DNAJC1: variants seen among roughly 807,000 people sequenced by gnomAD.
DNAJC1 encodes the protein dnaJ homolog subfamily C member 1.
In DNAJC1, 58 loss-of-function variants were observed where a neutral mutation model predicts 76.6. The observed-to-expected ratio is 0.76, with a 90% CI of 0.61 to 0.94. The LOEUF is 0.94. Among genes scored for constraint, DNAJC1 ranks in the 40% least tolerant of loss-of-function variants. DNAJC1 has a pLI of 0.00. For synonymous variants in DNAJC1, 258 were observed against 267.9 expected, an observed-to-expected ratio of 0.96 and a Z score of 0.36; for missense variants, 689 against 677.3, an observed-to-expected ratio of 1.02 and a Z score of -0.19.
At position 21,816,223 on chromosome 10, in the gene DNAJC1, G is replaced by C. The variant is rs564053216; in HGVS notation, c.979-10124C>G. 2.2e-3 allele frequency among the ~76,000 whole-genome samples: 339 copies of C among 150,832 alleles called. 3 individuals carry two copies. Among genetic ancestry groups the C allele is most frequent in the African/African-American group, 7.9e-3 (325 of 41,188 alleles). ...TCTCTACTAAAAACACAAAAATTAG[G>C]CAGACGTGAGCCTGTAATCCCAGCT... On this transcript the variant is annotated intron_variant, in intron 8 of 11. Coordinates refer to ENST00000376980, the MANE Select transcript of DNAJC1 (RefSeq NM_022365.4).
chr10:21,773,015 C>T (rs144139160), intron 9 of DNAJC1, among the ~76,000 whole-genome samples: 19 of 152,186 alleles, frequency 1.2e-4, no homozygotes, highest in African/African-American at 3.6e-4. Flanking sequence ...ACCTCTGTCC[C>T]GAGAACAGCA....
intron 8 of DNAJC1, among the ~76,000 whole-genome samples, chr10:21,832,438 T>C (rs1260997221): frequency 1.3e-5 from 2 of 152,242 alleles, no homozygotes; most frequent in East Asian, 3.8e-4. Flanking sequence ...TATGTCCCAT[T>C]TGCATCATAA....
At chr10:21,862,660 C>A (rs1190336399) in intron 8 of DNAJC1, among the ~76,000 whole-genome samples, 1 of 151,962 alleles carries the variant, frequency 6.6e-6, no homozygotes, top group African/African-American at 2.4e-5. Context: ...AACGCCTGAT[C>A]TCAGGTGATC....
At chr10:21,829,847 T>C (rs1835327958) in intron 8 of DNAJC1, among the ~76,000 whole-genome samples, 1 of 152,378 alleles carries the variant, frequency 6.6e-6, no homozygotes. Flanking sequence ...CCATGTGCTT[T>C]CTTTTATTCT....
At chr10:21,955,259 C>T (rs1297721033) in intron 1 of DNAJC1, among the ~76,000 whole-genome samples, 10 of 152,160 alleles carry the variant, frequency 6.6e-5, no homozygotes, top group Non-Finnish European at 1.5e-4. Context: ...AACTTACTTA[C>T]TGGAACATAG....
intron 7 of DNAJC1, among the ~76,000 whole-genome samples, chr10:21,902,429 C>T (rs988492075): frequency 2.0e-5 from 3 of 151,946 alleles, no homozygotes; most frequent in Non-Finnish European, 4.4e-5. Flanking sequence ...CTCAGCCTCC[C>T]GAATAGTGGG....
chr10:21,813,243 T>C (rs866534174), intron 8 of DNAJC1, among the ~76,000 whole-genome samples: 22 of 130,914 alleles, frequency 1.7e-4, no homozygotes, highest in South Asian at 7.7e-4. Context: ...TATATATATA[T>C]ACACATACAG....
chr10:21,871,646 T>G (rs1836106455), intron 8 of DNAJC1, among the ~76,000 whole-genome samples: 1 of 151,896 alleles, frequency 6.6e-6, no homozygotes, highest in South Asian at 2.1e-4. Context: ...CTAATTTTCG[T>G]TATTATTATT....
At chr10:21,965,674 T>C (rs530109539) in intron 1 of DNAJC1, among the ~76,000 whole-genome samples, 2 of 152,304 alleles carry the variant, frequency 1.3e-5, no homozygotes, top group Admixed American at 1.3e-4. Flanking sequence ...TTGCAAAATA[T>C]AGTAATTAAG....
intron 9 of DNAJC1, among the ~76,000 whole-genome samples, chr10:21,777,214 T>C (rs981449563): frequency 6.6e-6 from 1 of 152,204 alleles, no homozygotes; most frequent in Non-Finnish European, 1.5e-5. Context: ...TAGACACCAT[T>C]CTTTAGGTAA....
chr10:21,997,011 G>C (rs1014443581), intron 1 of DNAJC1, among the ~76,000 whole-genome samples: 2 of 151,838 alleles, frequency 1.3e-5, no homozygotes, highest in Admixed American at 1.3e-4. Flanking sequence ...AAAAAAATTG[G>C]ATTCTACAAT....
At chr10:21,805,223 T>C (rs1376937587) in intron 9 of DNAJC1, among the ~76,000 whole-genome samples, 5 of 152,096 alleles carry the variant, frequency 3.3e-5, no homozygotes, top group African/African-American at 7.2e-5. Context: ...GTAAAGCATA[T>C]TTACTATCCC....
intron 9 of DNAJC1, among the ~76,000 whole-genome samples, chr10:21,779,885 T>C (rs12780931): frequency 2.0e-5 from 3 of 152,248 alleles, no homozygotes; most frequent in African/African-American, 2.4e-5. Flanking sequence ...ATAACCAGTG[T>C]AGAGAAGACC....
intron 1 of DNAJC1, among the ~76,000 whole-genome samples, chr10:21,989,352 G>C (rs1192030685): frequency 3.3e-5 from 5 of 152,170 alleles, no homozygotes; most frequent in Non-Finnish European, 7.4e-5. Flanking sequence ...TTTAAAGAGA[G>C]AAAATTATAA....
chr10:21,917,580 C>G (rs1459967342), intron 6 of DNAJC1, among the ~76,000 whole-genome samples: 1 of 151,898 alleles, frequency 6.6e-6, no homozygotes, highest in Non-Finnish European at 1.5e-5. Context: ...ATAAACATAC[C>G]AGTGTGATAA....
Position 21,929,132 on chromosome 10 carries a change from A to G in DNAJC1, c.232T>C (p.Ser78Pro). The change falls in exon 2 of 12, where the codon TCT (serine) becomes CCT (proline). Residue 78 changes from serine to proline, a missense_variant. Coordinates refer to ENST00000376980, the MANE Select transcript of DNAJC1 (RefSeq NM_022365.4). ...QFLGVQQDAS[S>P]ADIRKAYRKL... ...CGATATGCTTTTCTGATGTCTGCAGATGATGCATCCTGGAGGTGGTAGGGG... is the reference window on the plus strand; with the variant it reads ...CGATATGCTTTTCTGATGTCTGCAGGTGATGCATCCTGGAGGTGGTAGGGG... The G allele has an allele frequency of 1.2e-6, 2 of 1,610,234 alleles. No individual in the cohort carries two copies. The highest frequency in any genetic ancestry group is 1.7e-6 in the Non-Finnish European group (2 of 1,178,374).
chr10:21,877,985 T>C, intron 8 of DNAJC1, among the ~76,000 whole-genome samples: 1 of 152,222 alleles, frequency 6.6e-6, no homozygotes, highest in East Asian at 1.9e-4. Flanking sequence ...TTTATAGTAA[T>C]GTACTGTATT....
intron 8 of DNAJC1, among the ~76,000 whole-genome samples, chr10:21,810,624 A>C (rs1032366729): frequency 2.0e-5 from 3 of 152,204 alleles, no homozygotes; most frequent in Non-Finnish European, 2.9e-5. Context: ...TTCCCCATGA[A>C]AACAGTTAAT....
At chr10:21,766,821 G>A (rs1834305533) in intron 9 of DNAJC1, among the ~76,000 whole-genome samples, 1 of 151,924 alleles carries the variant, frequency 6.6e-6, no homozygotes, top group Admixed American at 6.6e-5. Flanking sequence ...AATACAAAAA[G>A]TAGCTGGGCA....
Sources: allele counts gnomAD v4.1 joint callset (sites outside exome capture counted in the v4.1 genomes callset), GRCh38; gene constraint gnomAD v4.1.1; transcripts MANE v1.5; gene names NCBI Gene and HGNC (gene_info 2026-07-23, HGNC 2026-07-21).